The following KCNQ3 variants were observed in gnomAD, a reference collection of about 807,000 sequenced individuals.
KCNQ3 encodes the protein potassium voltage-gated channel subfamily Q member 3, also known as potassium voltage-gated channel subfamily KQT member 3.
Under a neutral mutation model 92.5 loss-of-function variants are expected in KCNQ3, and 30 were observed. That is an observed-to-expected ratio of 0.32 (90% CI 0.24 to 0.44). The LOEUF (loss-of-function observed/expected upper bound fraction) is 0.44. Among genes scored for constraint, KCNQ3 ranks in the 20% least tolerant of loss-of-function variants. KCNQ3 has a pLI of 1.00. For synonymous variants in KCNQ3, 450 were observed against 468.8 expected, an observed-to-expected ratio of 0.96 and a Z score of 0.52; for missense variants, 913 against 1,140.3, an observed-to-expected ratio of 0.80 and a Z score of 2.87.
chr8:132,385,154 T>G (rs984166689), intron 1 of KCNQ3, among the ~76,000 whole-genome samples: 1 of 152,226 alleles, frequency 6.6e-6, no homozygotes, highest in Non-Finnish European at 1.5e-5. Context: ...GCAGCCCCCT[T>G]GCCCCAACTT....
intron 12 of KCNQ3, among the ~76,000 whole-genome samples, chr8:132,134,649 T>C (rs1432066669): frequency 1.3e-5 from 2 of 151,920 alleles, no homozygotes; most frequent in Non-Finnish European, 2.9e-5. Flanking sequence ...CTCGGTATAT[T>C]CTTCCGCTTG....
At chr8:132,300,697 C>G (rs1001458714) in intron 1 of KCNQ3, among the ~76,000 whole-genome samples, 2 of 152,188 alleles carry the variant, frequency 1.3e-5, no homozygotes, top group Non-Finnish European at 2.9e-5. Context: ...TGCACTAAAA[C>G]AGAACCTTTG....
intron 1 of KCNQ3, among the ~76,000 whole-genome samples, chr8:132,204,102 G>C (rs1813562437): frequency 6.6e-6 from 1 of 152,180 alleles, no homozygotes; most frequent in Non-Finnish European, 1.5e-5. Context: ...CCTCATTTTA[G>C]AGACGTCAAA....
At chr8:132,181,692 T>C (rs1425120073) in intron 3 of KCNQ3, among the ~76,000 whole-genome samples, 8 of 152,020 alleles carry the variant, frequency 5.3e-5, no homozygotes, top group African/African-American at 1.9e-4. Context: ...CATCTCCATA[T>C]CTTTGTGTGT....
intron 1 of KCNQ3, among the ~76,000 whole-genome samples, chr8:132,454,627 C>G (rs1422210891): frequency 6.6e-6 from 1 of 152,006 alleles, no homozygotes; most frequent in Non-Finnish European, 1.5e-5. Context: ...TGCCTGATAC[C>G]CACACTGTCC....
intron 1 of KCNQ3, among the ~76,000 whole-genome samples, chr8:132,373,337 C>T (rs1466862237): frequency 6.6e-6 from 1 of 152,142 alleles, no homozygotes; most frequent in Non-Finnish European, 1.5e-5. Context: ...ACCTAACACG[C>T]AGACCCACTG....
At chr8:132,242,170 T>C (rs1329016763) in intron 1 of KCNQ3, among the ~76,000 whole-genome samples, 1 of 152,126 alleles carries the variant, frequency 6.6e-6, no homozygotes, top group Non-Finnish European at 1.5e-5. Flanking sequence ...TAAGTGAGAG[T>C]TGCTGACCTG....
intron 1 of KCNQ3, among the ~76,000 whole-genome samples, chr8:132,459,456 G>T (rs1385389081): frequency 1.3e-5 from 2 of 152,138 alleles, no homozygotes; most frequent in Non-Finnish European, 2.9e-5. Context: ...GGATAAGAGA[G>T]GAAGCAAGGC....
At chr8:132,189,419 G>A (rs1451831233) in intron 1 of KCNQ3, among the ~76,000 whole-genome samples, 1 of 152,170 alleles carries the variant, frequency 6.6e-6, no homozygotes, top group Non-Finnish European at 1.5e-5. Flanking sequence ...CCTGACAATA[G>A]GACTCCCTTA....
At chr8:132,448,502 G>GAAAAAAAAAAAAAAAAAAAAAAAAAAAAA in intron 1 of KCNQ3, among the ~76,000 whole-genome samples, 1 of 93,884 alleles carries the variant, frequency 1.1e-5, no homozygotes, top group African/African-American at 4.2e-5. Context: ...GGAGAAATAT[G>GAAAAAAAAAAAAAAAAAAAAAAAAAAAAA]AAAAAAAAAA....
intron 1 of KCNQ3, among the ~76,000 whole-genome samples, chr8:132,374,775 G>C (rs998866191): frequency 1.3e-5 from 2 of 151,994 alleles, no homozygotes; most frequent in African/African-American, 4.8e-5. Context: ...AGAAAACGTG[G>C]TATCTGGTTT....
chr8:132,281,600 C>T (rs1272348730), intron 1 of KCNQ3, among the ~76,000 whole-genome samples: 1 of 151,892 alleles, frequency 6.6e-6, no homozygotes, highest in Non-Finnish European at 1.5e-5. Flanking sequence ...TCCATCTCCA[C>T]CTCCATCTCC....
chr8:132,233,385 T>C (rs1416317106), intron 1 of KCNQ3, among the ~76,000 whole-genome samples: 1 of 152,178 alleles, frequency 6.6e-6, no homozygotes, highest in Admixed American at 6.5e-5. Context: ...TTATTTCAAC[T>C]CAAGTGCTGG....
chr8:132,256,618 C>T (rs1815597489), intron 1 of KCNQ3, among the ~76,000 whole-genome samples: 1 of 152,096 alleles, frequency 6.6e-6, no homozygotes, highest in African/African-American at 2.4e-5. Context: ...AACAACTAAT[C>T]ATATATAAGT....
rs138005866 is a variant in KCNQ3, at chr8:132,290,763, A to G, written c.387-104582T>C. On this transcript the variant is annotated intron_variant, in intron 1 of 14. Transcript: ENST00000388996. Reference sequence around the variant, plus strand: ...AGGATGAGATTTTTGAGGAAAGATGACATTACCTAAACAGCAATAACAATA... The same window carrying G: ...AGGATGAGATTTTTGAGGAAAGATGGCATTACCTAAACAGCAATAACAATA... Among the ~76,000 whole-genome samples the G allele has an allele frequency of 3.5e-4, 54 of 152,300 alleles. 1 individual carries two copies. In the East Asian group the frequency reaches 7.9e-3, roughly 22 times the overall value.
intron 1 of KCNQ3, among the ~76,000 whole-genome samples, chr8:132,240,470 G>T (rs924510188): frequency 3.9e-5 from 6 of 152,212 alleles, no homozygotes; most frequent in African/African-American, 1.4e-4. Context: ...ACAGGCATGA[G>T]CCACCATGCC....
At chr8:132,161,330 A>G (rs2130067059) in intron 9 of KCNQ3, among the ~76,000 whole-genome samples, 1 of 152,324 alleles carries the variant, frequency 6.6e-6, no homozygotes, top group African/African-American at 2.4e-5. Context: ...GACTCTATTT[A>G]GAAATATGAA....
At chr8:132,428,596 A>G (rs1392256262) in intron 1 of KCNQ3, among the ~76,000 whole-genome samples, 2 of 152,162 alleles carry the variant, frequency 1.3e-5, no homozygotes, top group Non-Finnish European at 2.9e-5. Context: ...CAAATGGTGA[A>G]CACTTAAAAT....
intron 1 of KCNQ3, among the ~76,000 whole-genome samples, chr8:132,400,926 T>C (rs1820315301): frequency 1.3e-5 from 2 of 152,198 alleles, no homozygotes; most frequent in African/African-American, 4.8e-5. Flanking sequence ...AGAGGGAGCC[T>C]GTCCAGGCCC....
Sources: allele counts gnomAD v4.1 joint callset (sites outside exome capture counted in the v4.1 genomes callset), GRCh38; gene constraint gnomAD v4.1.1; transcripts MANE v1.5; gene names NCBI Gene and HGNC (gene_info 2026-07-23, HGNC 2026-07-21).